GPHN: variants seen among roughly 807,000 people sequenced by gnomAD.
GPHN encodes gephyrin.
Under a neutral mutation model 95.5 loss-of-function variants are expected in GPHN, and 17 were observed. That is an observed-to-expected ratio of 0.18 (90% confidence interval 0.12 to 0.27). The LOEUF is 0.27. GPHN is among the 10% of genes least tolerant of loss of function. GPHN has a pLI of 1.00. For synonymous variants in GPHN, 320 were observed against 322.5 expected (o/e 0.99, Z 0.08); for missense variants, 660 against 978.1 (o/e 0.67, Z 4.34).
At chr14:67,360,054 C>G in the GPHN span, 1 of 434,406 alleles carries the variant, frequency 2.3e-6, no homozygotes. Flanking sequence ...CACGCCTTGT[C>G]TTTCTCCACC....
the GPHN span, among the ~76,000 whole-genome samples, chr14:67,612,283 G>A: frequency 2.0e-5 from 3 of 152,162 alleles, no homozygotes. Context: ...AGGAAGCTGG[G>A]GAATTTTATG....
At chr14:67,368,633 G>A in the GPHN span, among the ~76,000 whole-genome samples, 890 of 152,058 alleles carry the variant, frequency 5.9e-3, 5 homozygotes, top group Admixed American at 9.8e-3. Flanking sequence ...CAGGAGGTGT[G>A]GGGTAAATAG....
chr14:67,431,308 C>T, the GPHN span, among the ~76,000 whole-genome samples: 1 of 142,016 alleles, frequency 7.0e-6, no homozygotes, highest in African/African-American at 2.6e-5. Flanking sequence ...AGGAGAATTG[C>T]TTGAACCTGG....
intron 4 of GPHN, among the ~76,000 whole-genome samples, chr14:66,854,543 C>T (rs2062720084): frequency 6.6e-6 from 1 of 152,158 alleles, no homozygotes; most frequent in African/African-American, 2.4e-5. Flanking sequence ...TTTAAAGCCA[C>T]ATTGAAAATA....
intron 21 of GPHN, among the ~76,000 whole-genome samples, chr14:67,171,280 C>T (rs771952158): frequency 2.0e-5 from 3 of 151,924 alleles, no homozygotes; most frequent in Non-Finnish European, 4.4e-5. Flanking sequence ...TTAGAACAAA[C>T]ATTTCCCTTA....
At chr14:66,793,696 T>G (rs2060055851) in intron 3 of GPHN, among the ~76,000 whole-genome samples, 1 of 152,072 alleles carries the variant, frequency 6.6e-6, no homozygotes, top group Non-Finnish European at 1.5e-5. Flanking sequence ...TAGAACTATT[T>G]AGGAGTAACA....
intron 4 of GPHN, among the ~76,000 whole-genome samples, chr14:66,863,998 C>T (rs1231392394): frequency 6.6e-6 from 1 of 151,926 alleles, no homozygotes; most frequent in Admixed American, 6.6e-5. Flanking sequence ...TTCTGCAGAG[C>T]AAAGGAACAA....
the GPHN span, among the ~76,000 whole-genome samples, chr14:67,399,669 G>T: frequency 6.8e-6 from 1 of 147,910 alleles, no homozygotes; most frequent in Non-Finnish European, 1.5e-5. Flanking sequence ...GGAATAAAGA[G>T]AAGGGTGGTT....
downstream of GPHN, among the ~76,000 whole-genome samples, chr14:67,184,489 C>T (rs1048159027): frequency 6.6e-6 from 1 of 152,082 alleles, no homozygotes; most frequent in Admixed American, 6.6e-5. Flanking sequence ...CAGATGGATA[C>T]GTCTCTGGAG....
chr14:66,593,075 A>T (rs557152653), intron 1 of GPHN, among the ~76,000 whole-genome samples: 3 of 152,176 alleles, frequency 2.0e-5, no homozygotes, highest in South Asian at 2.1e-4. Context: ...GCATGTTCTC[A>T]CTCATAAATG....
the GPHN span, among the ~76,000 whole-genome samples, chr14:67,602,472 T>G: frequency 3.3e-5 from 5 of 152,286 alleles, no homozygotes; most frequent in East Asian, 9.6e-4. Flanking sequence ...ATTATAAAAG[T>G]GATATTTGCT....
At chr14:66,779,887 T>G (rs1232151768) in intron 3 of GPHN, among the ~76,000 whole-genome samples, 1 of 151,964 alleles carries the variant, frequency 6.6e-6, no homozygotes, top group Admixed American at 6.6e-5. Context: ...CTGTGGTGAA[T>G]GAGAAAAGTG....
chr14:67,495,964 C>T, the GPHN span, among the ~76,000 whole-genome samples: 4 of 152,230 alleles, frequency 2.6e-5, no homozygotes, highest in Non-Finnish European at 5.9e-5. Context: ...AAGCAAAGCC[C>T]TCAGACACAG....
chr14:67,345,121 A>C, the GPHN span, among the ~76,000 whole-genome samples: 2 of 151,778 alleles, frequency 1.3e-5, no homozygotes, highest in Non-Finnish European at 2.9e-5. Context: ...GCATGCCTAT[A>C]GTCCCAGCTA....
chr14:66,775,330 G>A (rs1252513085), intron 2 of GPHN, among the ~76,000 whole-genome samples: 2 of 152,190 alleles, frequency 1.3e-5, no homozygotes, highest in East Asian at 3.9e-4. Context: ...TCCTTGGTAA[G>A]CGCTGAATTA....
intron 3 of GPHN, among the ~76,000 whole-genome samples, chr14:66,821,877 A>G (rs939710538): frequency 1.2e-4 from 18 of 152,222 alleles, no homozygotes; most frequent in Non-Finnish European, 2.6e-4. Flanking sequence ...AAAGAAATCT[A>G]TATATTAAGT....
At chr14:67,422,076 G>C in the GPHN span, among the ~76,000 whole-genome samples, 1 of 152,090 alleles carries the variant, frequency 6.6e-6, no homozygotes, top group Non-Finnish European at 1.5e-5. Flanking sequence ...AAATAGCAAG[G>C]GCTCAGCTGA....
chr14:67,025,479 A>G (rs960201312), intron 10 of GPHN, among the ~76,000 whole-genome samples: 4 of 152,158 alleles, frequency 2.6e-5, no homozygotes, highest in Non-Finnish European at 5.9e-5. Flanking sequence ...GAGTCTTGCT[A>G]TGGAAGAATT....
chr14:67,611,776 G>T, the GPHN span, among the ~76,000 whole-genome samples: 33 of 152,276 alleles, frequency 2.2e-4, no homozygotes, highest in Non-Finnish European at 4.3e-4. Context: ...CACAGACCAG[G>T]GTGGGGGGAT....
Sources: gnomAD v4.1 joint callset for allele counts (sites outside exome capture counted in the v4.1 genomes callset) on GRCh38, gnomAD v4.1.1 for gene constraint, MANE v1.5 for transcripts, NCBI Gene and HGNC (gene_info 2026-07-23, HGNC 2026-07-21) for gene names.